ZFHX3: variants seen among roughly 807,000 people sequenced by gnomAD.
ZFHX3 encodes zinc finger homeobox 3.
A neutral mutation model predicts 279.1 loss-of-function variants in ZFHX3; 42 were observed. The ratio of observed to expected loss-of-function variants is 0.15; its 90% CI spans 0.12 to 0.19. ZFHX3 has a LOEUF of 0.19. Ranked by LOEUF, ZFHX3 falls within the 10% of genes least tolerant of loss-of-function variation. ZFHX3 has a pLI of 1.00. For missense variants in ZFHX3, 4,981 were observed against 4,754.0 expected, an observed-to-expected ratio of 1.05 and a Z score of -1.40; for synonymous variants, 2,293 against 1,957.8, an observed-to-expected ratio of 1.17 and a Z score of -4.52.
In ZFHX3 at chr16:72,788,643, G is replaced by T. The variant is rs773513384; in HGVS notation, c.9633C>A (p.Pro3211=). ...QQQQPQVQQP[P]PPPAAQPPPT... is the part of the protein sequence containing the mutation. ...GTGGCGGCTGGGCTGCTGGCGGCGG[G>T]GGAGGCTGCTGCACCTGTGGTTGCT... Residue 3211 remains proline (P), a synonymous_variant, in exon 10 of 10, where the codon CCC becomes CCA. Coordinates refer to ENST00000268489, the MANE Select transcript of ZFHX3 (RefSeq NM_006885.4). 5.0e-6 allele frequency: 8 copies of T among 1,613,228 alleles called. No homozygotes were observed. The highest frequency in any genetic ancestry group is 5.1e-6 in the Non-Finnish European group (6 of 1,179,776).
rs887345246 is a variant in ZFHX3, at chr16:73,167,437, A to T, written c.-1103-23606T>A. Among the ~76,000 whole-genome samples, 28 of 152,364 alleles carry T rather than the reference A, an allele frequency of 1.8e-4. 1 individual carries two copies. Among genetic ancestry groups the T allele is most frequent in the Admixed American group, 1.2e-3 (19 of 15,300 alleles). The stretch of plus-strand genomic sequence containing the variant: ...AGAACTTAAGCAGTTAATATGTGCG[A>T]TTGAGTGAAATTGCTTTGCTGAATG... On this transcript the variant is annotated intron_variant, in intron 5 of 17. Transcript: ENST00000641206.
At chr16:73,003,890 C>A (rs1213472150) in intron 1 of ZFHX3, among the ~76,000 whole-genome samples, 1 of 150,820 alleles carries the variant, frequency 6.6e-6, no homozygotes, top group Non-Finnish European at 1.5e-5. Flanking sequence ...GCCAAATGAT[C>A]CTCCAGAAAG....
At chr16:73,835,457 GCT>G in intron 1 of ZFHX3, among the ~76,000 whole-genome samples, 1 of 71,324 alleles carries the variant, frequency 1.4e-5, no homozygotes, top group Non-Finnish European at 3.0e-5. Flanking sequence ...TCCCTCTTCT[GCT>G]TTTTTTTTTT....
chr16:73,399,893 G>A (rs1159293612), intron 3 of ZFHX3, among the ~76,000 whole-genome samples: 1 of 151,528 alleles, frequency 6.6e-6, no homozygotes, highest in Non-Finnish European at 1.5e-5. Flanking sequence ...CACCCCCAGA[G>A]GCTGGGCTTA....
intron 2 of ZFHX3, among the ~76,000 whole-genome samples, chr16:73,644,266 T>G: frequency 6.6e-6 from 1 of 152,128 alleles, no homozygotes; most frequent in East Asian, 1.9e-4. Flanking sequence ...AGGGCATAGT[T>G]CCCTGCACAT....
intron 1 of ZFHX3, among the ~76,000 whole-genome samples, chr16:73,782,848 T>C (rs1408771998): frequency 6.6e-6 from 1 of 152,188 alleles, no homozygotes; most frequent in East Asian, 1.9e-4. Context: ...CTGAGTGAAA[T>C]ATGCACTGTT....
At chr16:72,895,999 T>C (rs1034169881) in intron 3 of ZFHX3, among the ~76,000 whole-genome samples, 8 of 152,320 alleles carry the variant, frequency 5.3e-5, no homozygotes, top group African/African-American at 1.7e-4. Flanking sequence ...TGCTTGGCAA[T>C]TGAATTTACT....
intron 2 of ZFHX3, among the ~76,000 whole-genome samples, chr16:73,625,451 A>G (rs916507061): frequency 6.6e-6 from 1 of 152,212 alleles, no homozygotes; most frequent in Admixed American, 6.5e-5. Context: ...CTCAATTGGG[A>G]TTCTATGAAA....
chr16:73,049,060 C>G (rs1347104610), upstream of ZFHX3, among the ~76,000 whole-genome samples: 1 of 152,120 alleles, frequency 6.6e-6, no homozygotes, highest in African/African-American at 2.4e-5. Context: ...GATTGCTGGG[C>G]GCCTTTCTAT....
intron 2 of ZFHX3, among the ~76,000 whole-genome samples, chr16:73,574,347 C>G (rs1165695417): frequency 4.0e-5 from 6 of 151,854 alleles, no homozygotes; most frequent in Admixed American, 2.0e-4. Context: ...TTTCTTGGGC[C>G]CCCCCCAGCA....
At chr16:73,542,327 G>C (rs1465253896) in intron 2 of ZFHX3, among the ~76,000 whole-genome samples, 1 of 152,142 alleles carries the variant, frequency 6.6e-6, no homozygotes, top group African/African-American at 2.4e-5. Flanking sequence ...TGACAGTATG[G>C]TGATGTCAGT....
chr16:73,853,451 G>A (rs1471511539), intron 1 of ZFHX3, among the ~76,000 whole-genome samples: 4 of 152,084 alleles, frequency 2.6e-5, no homozygotes, highest in African/African-American at 7.2e-5. Flanking sequence ...ACAGTTGACT[G>A]GATAAAGAAA....
At chr16:73,151,882 A>T (rs1489080182) in intron 5 of ZFHX3, among the ~76,000 whole-genome samples, 1 of 40,312 alleles carries the variant, frequency 2.5e-5, no homozygotes, top group Non-Finnish European at 6.8e-5. Flanking sequence ...CAAAAAACAA[A>T]AAAAAAAAAA....
At chr16:73,779,698 C>A (rs1488366855) in intron 1 of ZFHX3, among the ~76,000 whole-genome samples, 1 of 152,134 alleles carries the variant, frequency 6.6e-6, no homozygotes, top group Non-Finnish European at 1.5e-5. Flanking sequence ...AACAAAGATA[C>A]CTTTGATGAA....
intron 1 of ZFHX3, among the ~76,000 whole-genome samples, chr16:73,782,822 C>A (rs1019357507): frequency 1.2e-4 from 18 of 151,744 alleles, no homozygotes; most frequent in African/African-American, 4.1e-4. Context: ...GGAGCAGACC[C>A]TTATCCAACA....
upstream of ZFHX3, among the ~76,000 whole-genome samples, chr16:73,064,109 G>T (rs191899573): frequency 6.6e-6 from 1 of 152,246 alleles, no homozygotes; most frequent in Admixed American, 6.5e-5. Context: ...CCAAGAAAAA[G>T]GAGTTTTTTG....
intron 3 of ZFHX3, among the ~76,000 whole-genome samples, chr16:73,335,829 C>A (rs11859513): frequency 1.3e-5 from 2 of 152,072 alleles, no homozygotes; most frequent in Non-Finnish European, 2.9e-5. Flanking sequence ...GCATTTCATT[C>A]TTGCCTAGAA....
chr16:72,807,474 T>A (rs1248355325), intron 7 of ZFHX3: 1 of 152,146 alleles, frequency 6.6e-6, no homozygotes, highest in Non-Finnish European at 1.5e-5. Flanking sequence ...AGATATGAGA[T>A]GCAGAGCATA....
At chr16:73,450,009 C>G (rs189503487) in intron 3 of ZFHX3, among the ~76,000 whole-genome samples, 25 of 152,200 alleles carry the variant, frequency 1.6e-4, no homozygotes, top group African/African-American at 6.0e-4. Context: ...ATGCATAACC[C>G]TATTTTAAAA....
Sources: gnomAD v4.1 joint callset for allele counts (sites outside exome capture counted in the v4.1 genomes callset) on GRCh38, gnomAD v4.1.1 for gene constraint, MANE v1.5 for transcripts, NCBI Gene and HGNC (gene_info 2026-07-23, HGNC 2026-07-21) for gene names.